Variants in PIK3R5 observed in about 807,000 individuals in gnomAD.
PIK3R5 encodes phosphoinositide 3-kinase regulatory subunit 5.
A neutral mutation model predicts 94.9 loss-of-function variants in PIK3R5; 32 were observed. That is an observed-to-expected ratio of 0.34 (90% CI 0.25 to 0.45). PIK3R5 has a LOEUF of 0.45. PIK3R5 is among the 20% of genes least tolerant of loss of function. The probability of loss-of-function intolerance (pLI) is 1.00; values close to 1 mark genes in which losing one functional copy is unlikely to be tolerated. For synonymous variants in PIK3R5, 443 were observed against 479.4 expected (o/e 0.92, Z 0.99); for missense variants, 853 against 1,144.6 (o/e 0.75, Z 3.68).
chr17:8,957,856 T>A (rs1210920686), intron 1 of PIK3R5, among the ~76,000 whole-genome samples: 1 of 152,190 alleles, frequency 6.6e-6, no homozygotes, highest in Non-Finnish European at 1.5e-5. Flanking sequence ...GGAGCCGTTC[T>A]CCCAGCTTCC....
rs1286729425 is a variant in PIK3R5 at position 8,904,688 on chromosome 17, A to G, written c.412+89T>C. 3 of 1,326,258 alleles carry G rather than the reference A, an allele frequency of 2.3e-6. No individual in the cohort carries two copies. The African/African-American group carries it at 4.3e-5, about 19-fold the overall frequency. The allele number at this position is 1,326,258 out of a possible 1,614,324, so 82.2% of individuals were successfully genotyped here. On this transcript the variant is annotated intron_variant, in intron 5 of 18. Coordinates refer to ENST00000447110, the MANE Select transcript of PIK3R5 (RefSeq NM_001142633.3). The surrounding 1 kb of genome is among the most constrained non-coding windows in gnomAD (Gnocchi z 5.1). Reference sequence around the variant, plus strand: ...GAGATGAATCAAAGGATGCAAGGTAAGGAGGGTCACAAAAAACAGTTTCAG... The same window carrying G: ...GAGATGAATCAAAGGATGCAAGGTAGGGAGGGTCACAAAAAACAGTTTCAG...
chr17:8,928,850 C>T (rs932843545), intron 1 of PIK3R5, among the ~76,000 whole-genome samples: 1 of 152,118 alleles, frequency 6.6e-6, no homozygotes, highest in Non-Finnish European at 1.5e-5. Flanking sequence ...TGGGTAAATA[C>T]AATAGATTTT....
At position 8,886,305 on chromosome 17, in the gene PIK3R5, C is replaced by A. The variant is rs1199330298; in HGVS notation, c.2052G>T (p.Gly684=). 1 of 1,613,540 alleles carries A rather than the reference C, an allele frequency of 6.2e-7. No individual in the cohort carries two copies. The highest frequency in any genetic ancestry group is 1.3e-5 in the African/African-American group (1 of 75,056). Residue 684 remains glycine, a synonymous_variant, in exon 14 of 19, where the codon GGG becomes GGT. Transcript: ENST00000447110. ...VYQTELTFIT[G]EKTTEIFIHS... is the part of the protein sequence containing the mutation. ...GGATGAAGATCTCTGTCGTCTTCTC[C>A]CCAGTGATGAAGGTCAGCTGGAGAG...
At chr17:8,898,799 G>A (rs909249235) in intron 5 of PIK3R5, among the ~76,000 whole-genome samples, 17 of 152,298 alleles carry the variant, frequency 1.1e-4, no homozygotes, top group African/African-American at 2.6e-4. Flanking sequence ...AATAAGTGAC[G>A]AAGTGTAGGT....
intron 1 of PIK3R5, among the ~76,000 whole-genome samples, chr17:8,956,626 G>A (rs567239293): frequency 6.6e-6 from 1 of 152,306 alleles, no homozygotes; most frequent in South Asian, 2.1e-4. Flanking sequence ...GTTCTCTTAA[G>A]CACAATAACA....
In PIK3R5 at chr17:8,881,081, T is replaced by C; in HGVS notation, c.2383-64A>G. 6 of 1,244,048 alleles carry C rather than the reference T, an allele frequency of 4.8e-6. No individual in the cohort carries two copies. The highest frequency in any genetic ancestry group is 5.9e-6 in the Non-Finnish European group (5 of 843,042). The allele number at this position is 1,244,048 out of a possible 1,614,324, so 77.1% of individuals were successfully genotyped here. A position where few individuals can be genotyped will look rare whatever the true frequency, so the allele number is the denominator to read the frequency against. On this transcript the variant is annotated intron_variant, in intron 17 of 18. Transcript: ENST00000447110. The surrounding 1 kb of genome is among the most constrained non-coding windows in gnomAD (Gnocchi z 4.8). The stretch of plus-strand genomic sequence containing the variant: ...ATCCAACACTGCCAGCCCCTGGCAG[T>C]TCCTTTTCTCAGAACTGCCCATCCA...
Position 8,887,625 on chromosome 17 carries a change from C to A in PIK3R5, c.1675G>T (p.Val559Leu). ...TRFFKLQFFY[V>L]PVKRSHGTSP... ...GTCCCATGACTTCGCTTCACAGGCA[C>A]GTAGAAGAACTGAAGTTTGAAGAAC... is the stretch of plus-strand genomic sequence containing the variant. Residue 559 changes from valine to leucine, a missense_variant, in exon 11 of 19, where the codon GTG (valine) becomes TTG (leucine). Val to Leu is a conservative substitution (Grantham distance 32). This residue lies in a region of PIK3R5 where 319 missense variants were observed against 339.8 expected (regional missense o/e 0.94). Coordinates refer to ENST00000447110, the MANE Select transcript of PIK3R5 (RefSeq NM_001142633.3). The A allele has an allele frequency of 6.2e-7, 1 of 1,609,896 alleles. No homozygotes were observed. Among genetic ancestry groups the A allele is most frequent in the Non-Finnish European group, 8.5e-7 (1 of 1,178,148 alleles).
rs371848092 is a variant in PIK3R5 at position 8,909,382 on chromosome 17, C to T, written c.104-208G>A. Among the ~76,000 whole-genome samples, 329 of 152,180 alleles carry T rather than the reference C, an allele frequency of 2.2e-3. No individual in the cohort carries two copies. The highest frequency in any genetic ancestry group is 2.8e-3 in the Non-Finnish European group (191 of 68,000). On this transcript the variant is annotated intron_variant, in intron 2 of 18. Transcript: ENST00000447110. The surrounding 1 kb of genome is among the most constrained non-coding windows in gnomAD (Gnocchi z 4.3). ...TCAGCTCACTGCAACCTCTGCCTCCCGGGTTCAAGCGATTCCCCTGCCTCA... is the reference window on the plus strand; with the variant it reads ...TCAGCTCACTGCAACCTCTGCCTCCTGGGTTCAAGCGATTCCCCTGCCTCA...
chr17:8,921,243 TA>T (rs370268271), intron 1 of PIK3R5, among the ~76,000 whole-genome samples: 1 of 152,378 alleles, frequency 6.6e-6, no homozygotes, highest in African/African-American at 2.4e-5. Context: ...ACAGTGGCTT[TA>T]AGTTTCATTT....
chr17:8,960,123 C>G (rs1269792390), intron 1 of PIK3R5, among the ~76,000 whole-genome samples: 1 of 152,118 alleles, frequency 6.6e-6, no homozygotes, highest in Non-Finnish European at 1.5e-5. Flanking sequence ...AGGGTGCTTG[C>G]CAGTAGTGCT....
chr17:8,951,972 C>CT (rs1308096329), intron 1 of PIK3R5, among the ~76,000 whole-genome samples: 1 of 152,198 alleles, frequency 6.6e-6, no homozygotes, highest in Non-Finnish European at 1.5e-5. Flanking sequence ...CCAAGTCATG[C>CT]TTTTAGAAGG....
At chr17:8,943,981 G>A (rs553490222) in intron 1 of PIK3R5, among the ~76,000 whole-genome samples, 6 of 151,122 alleles carry the variant, frequency 4.0e-5, no homozygotes, top group South Asian at 2.1e-4. Context: ...AGATTACTTC[G>A]TCACCCAGGT....
intron 1 of PIK3R5, among the ~76,000 whole-genome samples, chr17:8,933,052 A>C (rs1197009626): frequency 1.3e-5 from 2 of 152,198 alleles, no homozygotes; most frequent in Non-Finnish European, 2.9e-5. Context: ...CTTCTTAGAA[A>C]CAACACAAAC....
intron 1 of PIK3R5, among the ~76,000 whole-genome samples, chr17:8,927,649 A>G (rs574062882): frequency 2.0e-4 from 31 of 152,308 alleles, no homozygotes; most frequent in African/African-American, 7.0e-4. Context: ...AGGCACTCCT[A>G]CCGTTTCTAG....
chr17:8,899,631 C>T (rs1355354464), intron 5 of PIK3R5, among the ~76,000 whole-genome samples: 1 of 152,216 alleles, frequency 6.6e-6, no homozygotes, highest in Admixed American at 6.5e-5. Flanking sequence ...CTAGAAGCCA[C>T]TAAGTTATTC....
rs573570019 is a variant in PIK3R5, at chr17:8,896,067, T to C, written c.413-2412A>G. Among the ~76,000 whole-genome samples the C allele has an allele frequency of 6.6e-6, 1 of 152,260 alleles. No individual in the cohort carries two copies. The highest frequency in any genetic ancestry group is 1.9e-4 in the East Asian group (1 of 5,182). On this transcript the variant is annotated intron_variant, in intron 5 of 18. Transcript: ENST00000447110. The surrounding 1 kb of genome is among the most constrained non-coding windows in gnomAD (Gnocchi z 4.0). ...ACACATTAGAAAAGACTGTGCAATG[T>C]GGAGGAGGCTTTGATAATATAAGCT... is the stretch of plus-strand genomic sequence containing the variant.
rs548917400 is a variant in PIK3R5, at chr17:8,884,597, G to A, written c.2205+110C>T. The A allele has an allele frequency of 1.4e-4, 116 of 814,358 alleles. No homozygotes were observed. Among genetic ancestry groups the A allele is most frequent in the Middle Eastern group, 4.5e-4 (2 of 4,422 alleles). The allele number at this position is 814,358 out of a possible 1,614,324, so 50.4% of individuals were successfully genotyped here. A position where few individuals can be genotyped will look rare whatever the true frequency, so the allele number is the denominator to read the frequency against. On this transcript the variant is annotated intron_variant, in intron 15 of 18. Transcript: ENST00000447110. This position sits in a 1 kb window ranked among gnomAD's most constrained non-coding sequence, Gnocchi z 5.8. The stretch of plus-strand genomic sequence containing the variant: ...GGGGAGCCTGCTGCAGCCTTCCAGC[G>A]TAAAGACTGGGGCCCAGGAACACAC...
chr17:8,888,034 ATAATAATAAT>A lies in PIK3R5; in HGVS notation c.1616+127_1616+136del. 4.4e-6 allele frequency: 1 copy of A among 226,358 alleles called. No individual in the cohort carries two copies. Among genetic ancestry groups the A allele is most frequent in the East Asian group, 9.9e-5 (1 of 10,058 alleles). The allele number at this position is 226,358 out of a possible 1,614,324, so 14.0% of individuals were successfully genotyped here. On this transcript the variant is annotated intron_variant, in intron 10 of 18. Coordinates refer to ENST00000447110, the MANE Select transcript of PIK3R5 (RefSeq NM_001142633.3). This position sits in a 1 kb window ranked among gnomAD's most constrained non-coding sequence, Gnocchi z 7.8. ...AATAATAATAATAATAATAATAATA[ATAATAATAAT>A]AATAAAATAAAAATAAATAAGGGAA...
In PIK3R5 at chr17:8,888,167, T is replaced by C; in HGVS notation, c.1616+4A>G. 6.2e-7 allele frequency: 1 copy of C among 1,613,214 alleles called. No homozygotes were observed. The highest frequency in any genetic ancestry group is 2.2e-5 in the East Asian group (1 of 44,874). On this transcript the variant is annotated splice_donor_region_variant and intron_variant, in intron 10 of 18. Coordinates refer to ENST00000447110, the MANE Select transcript of PIK3R5 (RefSeq NM_001142633.3). This position sits in a 1 kb window ranked among gnomAD's most constrained non-coding sequence, Gnocchi z 7.8. ...AGAGGGATGCTCCGCATTACGGCTC[T>C]TACCGAAGGTTGCTGTACGCCCGAG...
Sources: gnomAD v4.1 joint callset for allele counts (sites outside exome capture counted in the v4.1 genomes callset) on GRCh38, gnomAD v4.1.1 for gene constraint, gnomAD v4.1.1 regional missense constraint, Gnocchi (gnomAD v3.1) non-coding constraint, MANE v1.5 for transcripts, NCBI Gene and HGNC (gene_info 2026-07-23, HGNC 2026-07-21) for gene names.